Variants in MANBA observed in about 807,000 individuals in gnomAD.
MANBA encodes the protein mannosidase beta.
A neutral mutation model predicts 111.1 loss-of-function variants in MANBA; 83 were observed. The observed-to-expected ratio is 0.75, with a 90% confidence interval of 0.63 to 0.90. MANBA has a LOEUF of 0.90. Among genes scored for constraint, MANBA ranks in the 40% least tolerant of loss-of-function variants. The probability of loss-of-function intolerance (pLI) is 0.00; values close to 1 mark genes in which losing one functional copy is unlikely to be tolerated. For missense variants in MANBA, 1,036 were observed against 1,069.0 expected (o/e 0.97, Z 0.43); for synonymous variants, 370 against 378.7 (o/e 0.98, Z 0.27).
intron 7 of MANBA, among the ~76,000 whole-genome samples, chr4:102,687,754 C>T (rs1036636776): frequency 6.6e-6 from 1 of 152,158 alleles, no homozygotes; most frequent in Non-Finnish European, 1.5e-5. Context: ...CCAATCAGAT[C>T]ATTAGTTCTA....
At chr4:102,702,384 G>A (rs1238049598) in intron 5 of MANBA, among the ~76,000 whole-genome samples, 1 of 152,156 alleles carries the variant, frequency 6.6e-6, no homozygotes, top group Admixed American at 6.5e-5. Flanking sequence ...GTCCAGCTTT[G>A]TTCCATTACT....
At position 102,722,278 on chromosome 4, in the gene MANBA, T is replaced by G. The variant is rs144382139; in HGVS notation, c.549+593A>C. ...AGTGATAAATTTTATGTACAGTTTA[T>G]ACAATTAAAATTTTTAAAATATGAA... On this transcript the variant is annotated intron_variant, in intron 4 of 16. Coordinates refer to ENST00000647097, the MANE Select transcript of MANBA (RefSeq NM_005908.4). 5.6e-3 allele frequency: 883 copies of G among 157,402 alleles called. 4 individuals are homozygous for G. The highest frequency in any genetic ancestry group is 6.4e-3 in the Non-Finnish European group (458 of 71,094). 9.8% of individuals were successfully genotyped at this position (157,402 alleles called of 1,614,324 possible).
At position 102,728,865 on chromosome 4, in the gene MANBA, A is replaced by T. The variant is rs201455604; in HGVS notation, c.178-2182T>A. On this transcript the variant is annotated intron_variant, in intron 1 of 16. Transcript: ENST00000647097. ...CTGAAGGAGCTGGAGCCCACACCAGAGCCAAAGCTGGGGCTTGGGAGGCCC... is the reference window on the plus strand; with the variant it reads ...CTGAAGGAGCTGGAGCCCACACCAGTGCCAAAGCTGGGGCTTGGGAGGCCC... The T allele has an allele frequency of 3.3e-5, 27 of 817,408 alleles. No individual in the cohort carries two copies. The East Asian group carries it at 6.9e-4, about 21-fold the overall frequency. 50.6% of individuals were successfully genotyped at this position (817,408 alleles called of 1,614,324 possible).
chr4:102,646,712 G>T (rs1215438591), intron 13 of MANBA, among the ~76,000 whole-genome samples: 1 of 152,088 alleles, frequency 6.6e-6, no homozygotes, highest in Non-Finnish European at 1.5e-5. Context: ...TGAGATCTGT[G>T]TAACATAGCT....
At chr4:102,698,416 C>T (rs1161285126) in intron 5 of MANBA, among the ~76,000 whole-genome samples, 2 of 149,688 alleles carry the variant, frequency 1.3e-5, no homozygotes, top group Non-Finnish European at 3.0e-5. Context: ...GTGTTTTAGA[C>T]ATGAAGTCCT....
At chr4:102,753,968 A>G (rs1162436737) in intron 1 of MANBA, 1 of 405,436 alleles carries the variant, frequency 2.5e-6, no homozygotes, top group Admixed American at 2.9e-5. Flanking sequence ...ATGCCACTTC[A>G]CTCCAACCTG....
Position 102,631,847 on chromosome 4 carries a change from G to C in MANBA, c.*210C>G, listed in dbSNP as rs1022943326. 1.7e-5 allele frequency: 11 copies of C among 633,208 alleles called. No individual in the cohort carries two copies. The highest frequency in any genetic ancestry group is 3.1e-5 in the Non-Finnish European group (11 of 354,706). The allele number at this position is 633,208 out of a possible 1,614,324, so 39.2% of individuals were successfully genotyped here. On this transcript the variant is annotated 3_prime_UTR_variant, in exon 17 of 17. Transcript: ENST00000647097. ...CTGGCACAGATTCCAGGACACCCCGGCACAGGCTTGTTTGAGGACATTGCC... is the reference window on the plus strand; with the variant it reads ...CTGGCACAGATTCCAGGACACCCCGCCACAGGCTTGTTTGAGGACATTGCC...
intron 13 of MANBA, among the ~76,000 whole-genome samples, chr4:102,642,555 C>T (rs1011052039): frequency 6.6e-6 from 1 of 151,700 alleles, no homozygotes; most frequent in Non-Finnish European, 1.5e-5. Flanking sequence ...TGCAGTGAGC[C>T]GAGATCAAGC....
intron 5 of MANBA, among the ~76,000 whole-genome samples, chr4:102,691,940 T>C (rs947924910): frequency 6.6e-6 from 1 of 152,058 alleles, no homozygotes; most frequent in Non-Finnish European, 1.5e-5. Context: ...AGCAATGCCA[T>C]AACAAGGAAA....
At chr4:102,701,924 A>G (rs1252276919) in intron 5 of MANBA, among the ~76,000 whole-genome samples, 1 of 151,814 alleles carries the variant, frequency 6.6e-6, no homozygotes, top group Non-Finnish European at 1.5e-5. Context: ...TAGATTGGCA[A>G]AGTTCTCCTG....
intron 5 of MANBA, among the ~76,000 whole-genome samples, chr4:102,709,320 AAAAG>A: frequency 7.5e-6 from 1 of 133,688 alleles, no homozygotes; most frequent in East Asian, 2.0e-4. Context: ...GGAAGAAAAG[AAAAG>A]AAAAAGAAAG....
intron 14 of MANBA, among the ~76,000 whole-genome samples, chr4:102,638,910 C>A (rs1391315532): frequency 6.6e-6 from 1 of 152,174 alleles, no homozygotes; most frequent in African/African-American, 2.4e-5. Context: ...GAACAAGACT[C>A]TGTCTCAAAA....
chr4:102,737,742 A>G (rs1205563590), intron 1 of MANBA, among the ~76,000 whole-genome samples: 2 of 152,136 alleles, frequency 1.3e-5, no homozygotes, highest in African/African-American at 4.8e-5. Flanking sequence ...TCGGCCTCCC[A>G]AACTGCTGGG....
intron 13 of MANBA, among the ~76,000 whole-genome samples, chr4:102,647,552 A>C (rs765694028): frequency 3.3e-5 from 5 of 151,932 alleles, no homozygotes; most frequent in African/African-American, 7.3e-5. Context: ...ATAGCAGAAA[A>C]GTCTCTTATA....
intron 1 of MANBA, chr4:102,727,920 T>A (rs995240361): frequency 2.1e-5 from 10 of 486,114 alleles, no homozygotes; most frequent in African/African-American, 2.0e-4. Context: ...AATGGAGGCC[T>A]CTTTGCAAGC....
chr4:102,760,622 G>A, intron 1 of MANBA, 96 bp downstream of exon 1: 22 of 1,295,376 alleles, frequency 1.7e-5, no homozygotes, highest in Non-Finnish European at 2.3e-5. Context: ...CGACGAGAAT[G>A]GCCCAGAGCT....
chr4:102,742,729 C>T (rs1048566121), intron 1 of MANBA, among the ~76,000 whole-genome samples: 3 of 152,196 alleles, frequency 2.0e-5, no homozygotes, highest in Non-Finnish European at 4.4e-5. Flanking sequence ...TTGGCAGAAG[C>T]ATTGCGTGCA....
At chr4:102,758,367 C>T (rs1225829711) in intron 1 of MANBA, among the ~76,000 whole-genome samples, 3 of 152,050 alleles carry the variant, frequency 2.0e-5, no homozygotes, top group African/African-American at 7.2e-5. Context: ...AATGATATCA[C>T]CAAGATATGT....
chr4:102,749,847 T>C (rs1723722413), intron 1 of MANBA, among the ~76,000 whole-genome samples: 1 of 152,230 alleles, frequency 6.6e-6, no homozygotes, highest in South Asian at 2.1e-4. Context: ...TTATACATGA[T>C]AAGGACCAGC....
Sources: allele counts gnomAD v4.1 joint callset (sites outside exome capture counted in the v4.1 genomes callset), GRCh38; gene constraint gnomAD v4.1.1; transcripts MANE v1.5; gene names NCBI Gene and HGNC (gene_info 2026-07-23, HGNC 2026-07-21).